Variants in MEIS1 observed in about 807,000 individuals in gnomAD.
MEIS1 encodes the protein Meis homeobox 1, also known as homeobox protein Meis1.
MEIS1 carries 5 observed loss-of-function variants against 50.8 expected under a neutral mutation model. The ratio of observed to expected loss-of-function variants is 0.10; its 90% CI spans 0.05 to 0.21. The LOEUF (loss-of-function observed/expected upper bound fraction) is 0.21. Among genes scored for constraint, MEIS1 ranks in the 10% least tolerant of loss-of-function variants. The probability of loss-of-function intolerance (pLI) is 1.00; values close to 1 mark genes in which losing one functional copy is unlikely to be tolerated. For missense variants in MEIS1, 318 were observed against 517.3 expected (o/e 0.61, Z 3.74); for synonymous variants, 176 against 179.3 (o/e 0.98, Z 0.15).
intron 7 of MEIS1, 67 bp downstream of exon 7, chr2:66,464,287 T>G (rs1672586225): frequency 8.0e-7 from 1 of 1,250,094 alleles, no homozygotes; most frequent in Admixed American, 2.0e-5. Context: ...CAGAAATGTC[T>G]AGTGAGTTAC....
chr2:66,443,294 G>A (rs1558520523), intron 6 of MEIS1: 2 of 470,988 alleles, frequency 4.2e-6, no homozygotes, highest in South Asian at 3.4e-5. Context: ...GTTTCTTGTC[G>A]CTTTTAATTT....
chr2:66,518,430 T>C (rs1374896544), intron 8 of MEIS1, among the ~76,000 whole-genome samples: 1 of 152,222 alleles, frequency 6.6e-6, no homozygotes, highest in African/African-American at 2.4e-5. Flanking sequence ...CACGATAGTT[T>C]GGTTTTCTGA....
intron 8 of MEIS1, among the ~76,000 whole-genome samples, chr2:66,540,688 G>T (rs1674629755): frequency 1.3e-5 from 2 of 152,102 alleles, no homozygotes; most frequent in African/African-American, 4.8e-5. Context: ...ATTAATAGCT[G>T]TTCAACATAA....
intron 6 of MEIS1, among the ~76,000 whole-genome samples, chr2:66,458,917 ATATTTG>A (rs1385170884): frequency 6.6e-6 from 1 of 152,222 alleles, no homozygotes; most frequent in Admixed American, 6.5e-5. Context: ...ATTCAAAAAT[ATATTTG>A]TATCTAATAT....
intron 6 of MEIS1, 138 bp from the exon 7 acceptor site, chr2:66,463,971 C>T (rs959121510): frequency 3.2e-6 from 2 of 632,330 alleles, no homozygotes; most frequent in African/African-American, 3.7e-5. Flanking sequence ...TGAGCTGGAA[C>T]CATGGTTGAA....
At chr2:66,538,055 A>G (rs188600110) in intron 8 of MEIS1, among the ~76,000 whole-genome samples, 1 of 152,324 alleles carries the variant, frequency 6.6e-6, no homozygotes, top group East Asian at 1.9e-4. Flanking sequence ...CTAGGCATAA[A>G]GATACAGAAC....
intron 9 of MEIS1, among the ~76,000 whole-genome samples, chr2:66,555,052 C>A (rs1675020622): frequency 6.6e-6 from 1 of 152,040 alleles, no homozygotes. Context: ...TTTGTTTTTT[C>A]CTCAGGCATT....
At position 66,555,085 on chromosome 2, in the gene MEIS1, T is replaced by C. The variant is rs184240349; in HGVS notation, c.965+7066T>C. On this transcript the variant is annotated intron_variant, in intron 9 of 12. Transcript: ENST00000272369. ...ATTCAATCTTTTTCTCCAGTAATTTTGAACATGACAAACTTTTTAGTGGAT... is the reference window on the plus strand; with the variant it reads ...ATTCAATCTTTTTCTCCAGTAATTTCGAACATGACAAACTTTTTAGTGGAT... Among the ~76,000 whole-genome samples the C allele has an allele frequency of 9.8e-5, 15 of 152,342 alleles. No individual in the cohort carries two copies. The East Asian group carries it at 2.9e-3, about 29-fold the overall frequency.
intron 3 of MEIS1, 58 bp from the exon 4 acceptor site, chr2:66,440,504 A>AT: frequency 6.7e-7 from 1 of 1,492,752 alleles, no homozygotes; most frequent in East Asian, 2.3e-5. Context: ...CAGATTTCAA[A>AT]TTTTTCTTTC....
chr2:66,478,767 A>C (rs1374618056), intron 7 of MEIS1, among the ~76,000 whole-genome samples: 1 of 152,230 alleles, frequency 6.6e-6, no homozygotes, highest in East Asian at 1.9e-4. Flanking sequence ...AGAGAAAGGC[A>C]ACTGGGCTCA....
chr2:66,493,612 C>G (rs1275992735), intron 7 of MEIS1, among the ~76,000 whole-genome samples: 1 of 152,050 alleles, frequency 6.6e-6, no homozygotes, highest in Non-Finnish European at 1.5e-5. Flanking sequence ...TTCCTATATT[C>G]TCTGTGATGT....
At chr2:66,482,869 TTCAGTGTAGGA>T (rs1175818332) in intron 7 of MEIS1, among the ~76,000 whole-genome samples, 1 of 152,198 alleles carries the variant, frequency 6.6e-6, no homozygotes, top group Non-Finnish European at 1.5e-5. Flanking sequence ...ATGAGGGGGC[TTCAGTGTAGGA>T]TCAGAATGGA....
chr2:66,508,278 T>C (rs2103845162), intron 7 of MEIS1, among the ~76,000 whole-genome samples: 1 of 152,268 alleles, frequency 6.6e-6, no homozygotes, highest in Non-Finnish European at 1.5e-5. Context: ...GACTAATTTG[T>C]GAGAGAGTAG....
chr2:66,538,282 A>G (rs1174170160), intron 8 of MEIS1, among the ~76,000 whole-genome samples: 1 of 152,218 alleles, frequency 6.6e-6, no homozygotes, highest in Non-Finnish European at 1.5e-5. Context: ...AGTAAATTAG[A>G]TTCTGAGCCT....
At chr2:66,457,537 A>G (rs1672420213) in intron 6 of MEIS1, among the ~76,000 whole-genome samples, 1 of 152,116 alleles carries the variant, frequency 6.6e-6, no homozygotes, top group South Asian at 2.1e-4. Context: ...CTGCATATGG[A>G]TCTCTCTCTG....
chr2:66,505,185 C>T (rs949355140), intron 7 of MEIS1, among the ~76,000 whole-genome samples: 1 of 152,112 alleles, frequency 6.6e-6, no homozygotes, highest in Non-Finnish European at 1.5e-5. Context: ...AAGGCTGAGG[C>T]AGGAGGTTGC....
Position 66,435,626 on chromosome 2 carries a change from T to C in MEIS1, c.-231T>C, listed in dbSNP as rs1671780271. ...CTTTTTTTTGCCCCCGCTGCTGTCTTGGAAACGGAGCGCTTTTATGCTCAG... is the reference window on the plus strand; with the variant it reads ...CTTTTTTTTGCCCCCGCTGCTGTCTCGGAAACGGAGCGCTTTTATGCTCAG... On this transcript the variant is annotated 5_prime_UTR_variant, in exon 1 of 13. Coordinates refer to ENST00000272369, the MANE Select transcript of MEIS1 (RefSeq NM_002398.3). 2 of 414,166 alleles carry C rather than the reference T, an allele frequency of 4.8e-6. No homozygotes were observed. Among genetic ancestry groups the C allele is most frequent in the Non-Finnish European group, 4.3e-6 (1 of 231,714 alleles). The allele number at this position is 414,166 out of a possible 1,614,324, so 25.7% of individuals were successfully genotyped here.
In MEIS1 at chr2:66,460,220, A is replaced by G. The variant is rs116275181; in HGVS notation, c.631-3889A>G. Among the ~76,000 whole-genome samples the G allele has an allele frequency of 3.0e-3, 463 of 152,282 alleles. 2 individuals are homozygous for G. The highest frequency in any genetic ancestry group is 0.011 in the African/African-American group (440 of 41,558). ...CCTAAGCACTTGGTGCCTGCTGAAC[A>G]TGAGCCATGCATTGTGCTGAGCTAG... On this transcript the variant is annotated intron_variant, in intron 6 of 12. Coordinates refer to ENST00000272369, the MANE Select transcript of MEIS1 (RefSeq NM_002398.3).
intron 8 of MEIS1, among the ~76,000 whole-genome samples, chr2:66,514,323 T>G (rs61674156): frequency 0.027 from 4,180 of 152,280 alleles, 208 homozygotes; most frequent in African/African-American, 0.091. Context: ...TAGAGCTACA[T>G]TATCTTCTTG....
Sources: allele counts gnomAD v4.1 joint callset (sites outside exome capture counted in the v4.1 genomes callset), GRCh38; gene constraint gnomAD v4.1.1; transcripts MANE v1.5; gene names NCBI Gene and HGNC (gene_info 2026-07-23, HGNC 2026-07-21).